The following NAALADL2 variants were observed in gnomAD, a reference collection of about 807,000 sequenced individuals.
The protein encoded by NAALADL2 is inactive N-acetylated-alpha-linked acidic dipeptidase-like protein 2.
In NAALADL2, 76 loss-of-function variants were observed where a neutral mutation model predicts 87.2. The observed-to-expected ratio is 0.87, with a 90% confidence interval of 0.72 to 1.05. The LOEUF is 1.05. Ranked by LOEUF, NAALADL2 falls within the 50% of genes least tolerant of loss-of-function variation. NAALADL2 has a pLI of 0.00. For synonymous variants in NAALADL2, 354 were observed against 331.0 expected (o/e 1.07, Z -0.75); for missense variants, 1,089 against 945.8 (o/e 1.15, Z -1.99).
At chr3:175,394,294 C>T (rs548487222) in intron 5 of NAALADL2, among the ~76,000 whole-genome samples, 20 of 152,178 alleles carry the variant, frequency 1.3e-4, no homozygotes, top group African/African-American at 3.1e-4. Context: ...TAAGTTTTAA[C>T]CCTTGGTAGC....
intron 11 of NAALADL2, among the ~76,000 whole-genome samples, chr3:175,696,641 T>C (rs895041222): frequency 7.2e-5 from 11 of 151,998 alleles, no homozygotes; most frequent in African/African-American, 2.7e-4. Flanking sequence ...GGAGAAAAAT[T>C]GGAGATAAGT....
At chr3:174,822,708 A>G (rs891949430) in intron 3 of NAALADL2, among the ~76,000 whole-genome samples, 1 of 152,154 alleles carries the variant, frequency 6.6e-6, no homozygotes, top group African/African-American at 2.4e-5. Context: ...AATTTGTCCA[A>G]AGGCAGAAAG....
chr3:175,458,720 T>A (rs1722688961), intron 6 of NAALADL2, among the ~76,000 whole-genome samples: 2 of 152,080 alleles, frequency 1.3e-5, no homozygotes, highest in Admixed American at 6.6e-5. Context: ...CTTAGGTAAT[T>A]AGATCCTCTG....
chr3:175,169,438 T>C (rs1734461048), intron 2 of NAALADL2, among the ~76,000 whole-genome samples: 1 of 146,426 alleles, frequency 6.8e-6, no homozygotes, highest in Non-Finnish European at 1.5e-5. Flanking sequence ...ACTACATAAC[T>C]AAGAGGGTAG....
chr3:175,306,559 C>G (rs370108618), intron 4 of NAALADL2, among the ~76,000 whole-genome samples: 3 of 152,170 alleles, frequency 2.0e-5, no homozygotes, highest in Non-Finnish European at 4.4e-5. Context: ...TGCCTGTAAT[C>G]CCAGCACTTT....
intron 3 of NAALADL2, among the ~76,000 whole-genome samples, chr3:174,739,345 A>G (rs1468676691): frequency 2.0e-5 from 3 of 152,116 alleles, no homozygotes; most frequent in African/African-American, 7.2e-5. Flanking sequence ...GTTTTGGCTC[A>G]GTTTAAGTCA....
intron 6 of NAALADL2, among the ~76,000 whole-genome samples, chr3:175,452,413 G>T (rs1275292654): frequency 6.6e-6 from 1 of 151,682 alleles, no homozygotes. Context: ...GGCCTTAAAA[G>T]AAAAAAAAGA....
intron 9 of NAALADL2, among the ~76,000 whole-genome samples, chr3:175,522,948 C>T (rs1732856527): frequency 6.6e-6 from 1 of 152,064 alleles, no homozygotes; most frequent in African/African-American, 2.4e-5. Flanking sequence ...GAAAGTTTTC[C>T]TGGAAGACAC....
In NAALADL2 at chr3:175,013,703, C is replaced by T. The variant is rs189475181; in HGVS notation, c.44-83087C>T. 2.2e-3 allele frequency among the ~76,000 whole-genome samples: 340 copies of T among 151,976 alleles called. 1 individual carries two copies. Among genetic ancestry groups the T allele is most frequent in the Non-Finnish European group, 2.0e-3 (139 of 67,956 alleles). On this transcript the variant is annotated intron_variant, in intron 1 of 13. Coordinates refer to ENST00000454872, the MANE Select transcript of NAALADL2 (RefSeq NM_207015.3). ...AATTCTTCAAGAATTTGAACCACAC[C>T]CCTGAATGTTTTCTGACTTTCTAGT...
intron 3 of NAALADL2, among the ~76,000 whole-genome samples, chr3:174,767,953 T>C (rs1450588915): frequency 6.6e-6 from 1 of 151,858 alleles, no homozygotes; most frequent in Non-Finnish European, 1.5e-5. Flanking sequence ...GCAAATAGAG[T>C]AGCTGAAAAT....
intron 2 of NAALADL2, among the ~76,000 whole-genome samples, chr3:174,633,723 G>A (rs1722367997): frequency 6.6e-6 from 1 of 152,168 alleles, no homozygotes; most frequent in Admixed American, 6.5e-5. Context: ...AACTGGAGTT[G>A]CTAGATTTGA....
intron 5 of NAALADL2, among the ~76,000 whole-genome samples, chr3:175,388,534 A>G (rs1295916648): frequency 1.3e-5 from 2 of 152,104 alleles, no homozygotes; most frequent in Non-Finnish European, 2.9e-5. Context: ...TGAAAACACA[A>G]CCATCTAAAT....
rs1009547855 is a variant in NAALADL2 at position 174,794,365 on chromosome 3, C to A, written c.-9+56619C>A. On this transcript the variant is annotated intron_variant, in intron 3 of 3. Transcript: ENST00000434257. Reference sequence around the variant, plus strand: ...AAATTATTGGTTATATAAATCCGAACTAATATATAATTATAATCTTCTCAT... The same window carrying A: ...AAATTATTGGTTATATAAATCCGAAATAATATATAATTATAATCTTCTCAT... 3.3e-5 allele frequency among the ~76,000 whole-genome samples: 5 copies of A among 151,858 alleles called. No homozygotes were observed. The South Asian group carries it at 1.0e-3, about 31-fold the overall frequency.
intron 1 of NAALADL2, among the ~76,000 whole-genome samples, chr3:174,971,249 C>T (rs950983013): frequency 6.6e-6 from 1 of 152,110 alleles, no homozygotes; most frequent in Non-Finnish European, 1.5e-5. Flanking sequence ...GACAGCCAAA[C>T]CATATTGGGC....
chr3:174,967,788 A>C (rs1261845385), intron 1 of NAALADL2, among the ~76,000 whole-genome samples: 1 of 152,196 alleles, frequency 6.6e-6, no homozygotes. Context: ...ATAAGCAGAG[A>C]AGCCTCCTTT....
intron 5 of NAALADL2, among the ~76,000 whole-genome samples, chr3:175,397,862 C>A (rs977551378): frequency 1.3e-5 from 2 of 151,992 alleles, no homozygotes; most frequent in African/African-American, 4.8e-5. Flanking sequence ...AGATTAGGGG[C>A]CTTTTTGCTT....
chr3:175,538,597 AG>A (rs1711719443), intron 9 of NAALADL2, among the ~76,000 whole-genome samples: 1 of 152,186 alleles, frequency 6.6e-6, no homozygotes, highest in African/African-American at 2.4e-5. Context: ...ATAGATAGAT[AG>A]AGATATAAAT....
At chr3:175,729,952 T>G (rs1442799304) in intron 11 of NAALADL2, among the ~76,000 whole-genome samples, 1 of 152,070 alleles carries the variant, frequency 6.6e-6, no homozygotes, top group African/African-American at 2.4e-5. Flanking sequence ...ACAGCTTAAA[T>G]GAAAGGTATA....
intron 2 of NAALADL2, among the ~76,000 whole-genome samples, chr3:175,190,148 A>AATATAT (rs57688984): frequency 5.4e-5 from 8 of 149,228 alleles, no homozygotes; most frequent in Non-Finnish European, 7.4e-5. Context: ...TGGCCTTGGC[A>AATATAT]ATATATATAT....
Sources: gnomAD v4.1 joint callset for allele counts (sites outside exome capture counted in the v4.1 genomes callset) on GRCh38, gnomAD v4.1.1 for gene constraint, MANE v1.5 for transcripts, NCBI Gene and HGNC (gene_info 2026-07-23, HGNC 2026-07-21) for gene names.